NHS: variants seen among roughly 807,000 people sequenced by gnomAD.
NHS encodes NHS actin remodeling regulator, also known as actin remodeling regulator NHS.
NHS carries 5 observed loss-of-function variants against 72.5 expected under a neutral mutation model. The ratio of observed to expected loss-of-function variants is 0.07; its 90% confidence interval spans 0.04 to 0.14. The LOEUF is 0.14. Among genes scored for constraint, NHS ranks in the 10% least tolerant of loss-of-function variants. The pLI is 1.00. For synonymous variants in NHS, 464 were observed against 547.7 expected (o/e 0.85, Z 2.13); for missense variants, 1,072 against 1,355.7 (o/e 0.79, Z 3.29).
At chrX:17,467,840 A>T (rs1013285853) in intron 1 of NHS, among the ~76,000 whole-genome samples, 1 of 111,934 alleles carries the variant, frequency 8.9e-6, no homozygotes, top group Non-Finnish European at 1.9e-5. Context: ...TTTTTAAAAG[A>T]CATTATATAA....
At chrX:17,681,880 G>T (rs1422992267) in intron 1 of NHS, among the ~76,000 whole-genome samples, 1 of 111,855 alleles carries the variant, frequency 8.9e-6, no homozygotes, top group Non-Finnish European at 1.9e-5. Context: ...GTTTCAAGAT[G>T]CTGGAATTTG....
chrX:17,700,079 G>T (rs775155820), intron 3 of NHS, among the ~76,000 whole-genome samples: 40 of 111,434 alleles, frequency 3.6e-4, no homozygotes, highest in East Asian at 3.1e-3. Context: ...AGGAAAAGAT[G>T]TGAACAGACA....
At chrX:17,590,112 G>T (rs748627328) in intron 1 of NHS, among the ~76,000 whole-genome samples, 2 of 111,908 alleles carry the variant, frequency 1.8e-5, no homozygotes, top group East Asian at 5.6e-4. Flanking sequence ...TTTTAAATTG[G>T]TGATCCCCAG....
intron 1 of NHS, among the ~76,000 whole-genome samples, chrX:17,641,581 G>A (rs1467805136): frequency 9.0e-6 from 1 of 110,993 alleles, no homozygotes; most frequent in Admixed American, 9.5e-5. Context: ...TCTAGGCTTA[G>A]ATTAGATTCT....
intron 1 of NHS, among the ~76,000 whole-genome samples, chrX:17,608,115 A>G (rs2065691091): frequency 9.2e-6 from 1 of 108,706 alleles, no homozygotes; most frequent in South Asian, 4.0e-4. Context: ...GAGTCTCACT[A>G]TGTTGCCCAA....
chrX:17,687,534 G>A (rs919155040), intron 1 of NHS: 47 of 479,104 alleles, frequency 9.8e-5, no homozygotes, highest in Non-Finnish European at 1.6e-4. Context: ...GGAGCCTCCC[G>A]TGCCTCGGCT....
intron 1 of NHS, chrX:17,552,280 G>T (rs2065340927): frequency 8.9e-6 from 1 of 112,326 alleles, no homozygotes; most frequent in Admixed American, 9.4e-5. Context: ...TTGGCTGAGG[G>T]ATCAGTTATA....
rs759202354 is a variant in NHS, at chrX:17,429,634, A to G, written c.565+53312A>G. On this transcript the variant is annotated intron_variant, in intron 1 of 8. Transcript: ENST00000676302. ...GTTGGAATCCTGTGGCTGTTCCCACACTGGGGGGATCAGGCAAACCCAGGA... is the reference window on the plus strand; with the variant it reads ...GTTGGAATCCTGTGGCTGTTCCCACGCTGGGGGGATCAGGCAAACCCAGGA... Among the ~76,000 whole-genome samples the G allele has an allele frequency of 1.5e-4, 17 of 111,628 alleles. 1 individual carries two copies. The highest frequency in any genetic ancestry group is 3.8e-4 in the Admixed American group (4 of 10,626).
intron 1 of NHS, among the ~76,000 whole-genome samples, chrX:17,384,449 CT>C (rs765814721): frequency 1.9e-3 from 211 of 112,439 alleles, no homozygotes; most frequent in African/African-American, 6.6e-3. Flanking sequence ...TCTTTCTAGA[CT>C]TTTCTTGTTA....
chrX:17,522,442 T>A (rs1192770416), intron 1 of NHS, among the ~76,000 whole-genome samples: 1 of 103,355 alleles, frequency 9.7e-6, no homozygotes, highest in African/African-American at 3.5e-5. Context: ...GGCCCACAAT[T>A]TCCCCCTGGG....
At chrX:17,434,577 G>A (rs1417335545) in intron 1 of NHS, among the ~76,000 whole-genome samples, 1 of 108,076 alleles carries the variant, frequency 9.3e-6, no homozygotes, top group Non-Finnish European at 1.9e-5. Flanking sequence ...CTGGGTAGCT[G>A]GGACTACAGG....
chrX:17,723,758 T>TGTGTGTGTGTGTGC (rs1443578077), intron 5 of NHS, among the ~76,000 whole-genome samples: 1 of 97,671 alleles, frequency 1.0e-5, no homozygotes, highest in African/African-American at 4.4e-5. Context: ...TGTGTGTGTG[T>TGTGTGTGTGTGTGC]GTGTGTGTGT....
chrX:17,614,740 C>T lies in NHS; in HGVS notation c.566-73002C>T, dbSNP rs547756966. 8.9e-3 allele frequency among the ~76,000 whole-genome samples: 994 copies of T among 111,255 alleles called. 9 individuals carry two copies. The highest frequency in any genetic ancestry group is 0.015 in the Non-Finnish European group (773 of 53,017). ...CTTTTTCCCCTCCTTAGCAATTTCC[C>T]ATCTTCATTGTGTGATAAAGGTTTT... is the stretch of plus-strand genomic sequence containing the variant. On this transcript the variant is annotated intron_variant, in intron 1 of 8. Coordinates refer to ENST00000676302, the MANE Select transcript of NHS (RefSeq NM_001291867.2).
chrX:17,583,633 C>T lies in NHS; in HGVS notation c.566-104109C>T, dbSNP rs190906105. Among the ~76,000 whole-genome samples, 470 of 112,231 alleles carry T rather than the reference C, an allele frequency of 4.2e-3. 1 individual carries two copies. Among genetic ancestry groups the T allele is most frequent in the Non-Finnish European group, 7.4e-3 (393 of 53,207 alleles). On this transcript the variant is annotated intron_variant, in intron 1 of 8. Transcript: ENST00000676302. ...CTGTTGCGAGGAGGAATTCCCTCAG[C>T]AGATAAGCAACTCCCGAAGGAAACG...
chrX:17,537,310 C>G (rs931813143), intron 1 of NHS, among the ~76,000 whole-genome samples: 2 of 112,038 alleles, frequency 1.8e-5, no homozygotes, highest in Non-Finnish European at 3.8e-5. Flanking sequence ...GCATAATGAA[C>G]AATGAAATTC....
chrX:17,494,113 C>CT (rs1338723465), intron 1 of NHS, among the ~76,000 whole-genome samples: 6 of 89,815 alleles, frequency 6.7e-5, no homozygotes, highest in Non-Finnish European at 8.6e-5. Context: ...GAATTTCACT[C>CT]TATCACCCAG....
chrX:17,389,921 A>G, intron 1 of NHS, among the ~76,000 whole-genome samples: 1 of 109,852 alleles, frequency 9.1e-6, no homozygotes, highest in Non-Finnish European at 1.9e-5. Flanking sequence ...CTTTTCTACG[A>G]TAAAGCTAAA....
chrX:17,425,615 T>A (rs929233168), intron 1 of NHS, among the ~76,000 whole-genome samples: 1 of 101,861 alleles, frequency 9.8e-6, no homozygotes, highest in African/African-American at 3.6e-5. Context: ...AATTCAGTTT[T>A]ACATGTTTTC....
At chrX:17,602,834 ATT>A (rs34067989) in intron 1 of NHS, among the ~76,000 whole-genome samples, 234 of 83,254 alleles carry the variant, frequency 2.8e-3, no homozygotes, top group Middle Eastern at 0.02. Context: ...CACAACTACA[ATT>A]TTTTTTTTTT....
Sources: gnomAD v4.1 joint callset for allele counts (sites outside exome capture counted in the v4.1 genomes callset) on GRCh38, gnomAD v4.1.1 for gene constraint, MANE v1.5 for transcripts, NCBI Gene and HGNC (gene_info 2026-07-23, HGNC 2026-07-21) for gene names.